The following GALNTL6 variants were observed in gnomAD, a reference collection of about 807,000 sequenced individuals.
GALNTL6 encodes polypeptide N-acetylgalactosaminyltransferase-like 6.
A neutral mutation model predicts 73.7 loss-of-function variants in GALNTL6; 46 were observed. The observed-to-expected ratio is 0.62, with a 90% CI of 0.49 to 0.80. GALNTL6 has a LOEUF of 0.80. Ranked by LOEUF, GALNTL6 falls within the 30% of genes least tolerant of loss-of-function variation. GALNTL6 has a pLI of 0.00. For synonymous variants in GALNTL6, 259 were observed against 263.7 expected, an observed-to-expected ratio of 0.98 and a Z score of 0.17; for missense variants, 604 against 755.0, an observed-to-expected ratio of 0.80 and a Z score of 2.34.
intron 2 of GALNTL6, among the ~76,000 whole-genome samples, chr4:172,138,872 C>A (rs1351855574): frequency 6.6e-6 from 1 of 151,860 alleles, no homozygotes; most frequent in Admixed American, 6.6e-5. Flanking sequence ...TCTAAGTTGT[C>A]TCTCATTTTT....
intron 2 of GALNTL6, among the ~76,000 whole-genome samples, chr4:172,152,069 C>A (rs535280688): frequency 6.6e-6 from 1 of 152,036 alleles, no homozygotes; most frequent in South Asian, 2.1e-4. Flanking sequence ...CCCCACCTCC[C>A]GGGTTCAAGC....
intron 2 of GALNTL6, among the ~76,000 whole-genome samples, chr4:171,955,048 T>C (rs924765773): frequency 6.6e-6 from 1 of 152,150 alleles, no homozygotes; most frequent in Non-Finnish European, 1.5e-5. Flanking sequence ...AGTGTGAGAA[T>C]GAACTAATAC....
At chr4:172,919,128 C>T (rs1016164196) in intron 8 of GALNTL6, among the ~76,000 whole-genome samples, 7 of 152,188 alleles carry the variant, frequency 4.6e-5, no homozygotes, top group African/African-American at 9.6e-5. Context: ...TCACTGTTTA[C>T]GAAAAGAGTT....
intron 5 of GALNTL6, among the ~76,000 whole-genome samples, chr4:172,456,993 CAG>C (rs1222051942): frequency 6.6e-6 from 1 of 152,174 alleles, no homozygotes; most frequent in African/African-American, 2.4e-5. Flanking sequence ...ATTAGACTAA[CAG>C]AGGATCTCTC....
intron 2 of GALNTL6, among the ~76,000 whole-genome samples, chr4:171,983,284 C>A (rs912854339): frequency 5.3e-5 from 8 of 151,982 alleles, no homozygotes; most frequent in African/African-American, 1.9e-4. Context: ...CTTCTAAATT[C>A]TGATAAATAA....
chr4:172,605,307 C>T (rs778570899), intron 5 of GALNTL6, among the ~76,000 whole-genome samples: 15 of 152,146 alleles, frequency 9.9e-5, no homozygotes, highest in Non-Finnish European at 1.9e-4. Context: ...AAACCCACAT[C>T]AATACCCAAA....
chr4:172,502,786 T>C (rs6837066), intron 5 of GALNTL6, among the ~76,000 whole-genome samples: 22,008 of 152,114 alleles, frequency 0.14, 1,846 homozygotes, highest in Non-Finnish European at 0.2. Flanking sequence ...GCATCAAATG[T>C]TACAGACTGA....
At chr4:172,458,883 A>G (rs1476255649) in intron 5 of GALNTL6, among the ~76,000 whole-genome samples, 1 of 152,194 alleles carries the variant, frequency 6.6e-6, no homozygotes, top group Non-Finnish European at 1.5e-5. Context: ...AATCATCCTT[A>G]TACCAAAACC....
intron 7 of GALNTL6, among the ~76,000 whole-genome samples, chr4:172,854,738 CTT>C (rs1744034396): frequency 1.3e-5 from 2 of 152,180 alleles, no homozygotes; most frequent in South Asian, 4.1e-4. Context: ...GAAATTAACT[CTT>C]TCTCCTTGTT....
At chr4:172,837,137 T>G (rs141777415) in intron 7 of GALNTL6, among the ~76,000 whole-genome samples, 1 of 152,348 alleles carries the variant, frequency 6.6e-6, no homozygotes, top group African/African-American at 2.4e-5. Flanking sequence ...GGCCATAGCC[T>G]GACCAGCTTT....
intron 5 of GALNTL6, among the ~76,000 whole-genome samples, chr4:172,443,840 A>T (rs541403760): frequency 6.6e-6 from 1 of 152,206 alleles, no homozygotes; most frequent in African/African-American, 2.4e-5. Flanking sequence ...ATTCCCTCCA[A>T]GGAAAGGTGT....
intron 4 of GALNTL6, among the ~76,000 whole-genome samples, chr4:172,325,998 A>G (rs199613958): frequency 1.3e-5 from 2 of 151,926 alleles, no homozygotes; most frequent in Non-Finnish European, 2.9e-5. Context: ...GAAATCTTAC[A>G]AAGTATATCA....
chr4:172,141,958 A>G (rs1388144377), intron 2 of GALNTL6, among the ~76,000 whole-genome samples: 1 of 151,694 alleles, frequency 6.6e-6, no homozygotes, highest in Non-Finnish European at 1.5e-5. Flanking sequence ...ACAAAGCAAA[A>G]CTGAGAAAAA....
chr4:172,177,766 TATGTACACATATATACAC>T (rs1235924361), intron 2 of GALNTL6, among the ~76,000 whole-genome samples: 2 of 142,012 alleles, frequency 1.4e-5, no homozygotes, highest in Non-Finnish European at 3.0e-5. Flanking sequence ...TGTGTATATA[TATGTACACATATATACAC>T]ATGTGTATAT....
chr4:172,961,453 G>A (rs1227767469), intron 10 of GALNTL6, among the ~76,000 whole-genome samples: 4 of 152,170 alleles, frequency 2.6e-5, no homozygotes, highest in Non-Finnish European at 5.9e-5. Flanking sequence ...TGCTGCTAAG[G>A]GTGAAGGACC....
intron 5 of GALNTL6, among the ~76,000 whole-genome samples, chr4:172,381,521 A>AATATG (rs1743283162): frequency 6.6e-6 from 1 of 152,204 alleles, no homozygotes; most frequent in African/African-American, 2.4e-5. Flanking sequence ...AGAATAATTA[A>AATATG]ATATGTAGTC....
At chr4:172,147,553 A>G (rs1733958948) in intron 2 of GALNTL6, among the ~76,000 whole-genome samples, 1 of 152,168 alleles carries the variant, frequency 6.6e-6, no homozygotes, top group Non-Finnish European at 1.5e-5. Flanking sequence ...TTTTGTTTTC[A>G]TCTTTCCCTG....
chr4:172,935,255 CT>C (rs1202226783), intron 9 of GALNTL6, among the ~76,000 whole-genome samples: 3 of 152,172 alleles, frequency 2.0e-5, no homozygotes, highest in Non-Finnish European at 4.4e-5. Flanking sequence ...ACCCTTACCC[CT>C]AGTCTGTAAG....
rs565687252 is a variant in GALNTL6 at position 172,042,648 on chromosome 4, C to CT, written c.139-187001dup. Among the ~76,000 whole-genome samples, 609 of 151,766 alleles carry CT rather than the reference C, an allele frequency of 4.0e-3. 3 individuals are homozygous for CT. Among genetic ancestry groups the CT allele is most frequent in the African/African-American group, 0.012 (508 of 41,440 alleles). ...TCTTTTTATTATCTGGAAAAATCTG[C>CT]TTTTTTTAAAAAAAATATACAAAAC... is the stretch of plus-strand genomic sequence containing the variant. On this transcript the variant is annotated intron_variant, in intron 2 of 12. Transcript: ENST00000506823.
Sources: allele counts gnomAD v4.1 joint callset (sites outside exome capture counted in the v4.1 genomes callset), GRCh38; gene constraint gnomAD v4.1.1; transcripts MANE v1.5; gene names NCBI Gene and HGNC (gene_info 2026-07-23, HGNC 2026-07-21).